The following CTBP2 variants were observed in gnomAD, a reference collection of about 807,000 sequenced individuals.
CTBP2 encodes C-terminal-binding protein 2.
CTBP2 carries 30 observed loss-of-function variants against 80.3 expected under a neutral mutation model. The observed-to-expected ratio is 0.37, with a 90% confidence interval of 0.28 to 0.51. CTBP2 has a LOEUF of 0.51. Among genes scored for constraint, CTBP2 ranks in the 20% least tolerant of loss-of-function variants. CTBP2 has a pLI of 0.93. For synonymous variants in CTBP2, 594 were observed against 587.4 expected, an observed-to-expected ratio of 1.01 and a Z score of -0.16; for missense variants, 1,212 against 1,375.3, an observed-to-expected ratio of 0.88 and a Z score of 1.88.
At chr10:125,030,827 G>A (rs527302651), upstream of CTBP2, among the ~76,000 whole-genome samples, 1 of 152,202 alleles carries the variant, frequency 6.6e-6, no homozygotes, top group Admixed American at 6.5e-5. Flanking sequence ...CCCAACTGAA[G>A]GAACTTAAGG....
At chr10:125,093,079 G>A (rs570448893) in intron 2 of CTBP2, among the ~76,000 whole-genome samples, 1 of 152,328 alleles carries the variant, frequency 6.6e-6, no homozygotes, top group South Asian at 2.1e-4. Context: ...TACTGCCTCA[G>A]TATCTCAGCC....
intron 2 of CTBP2, among the ~76,000 whole-genome samples, chr10:125,105,583 T>G (rs1178822060): frequency 6.6e-6 from 1 of 152,130 alleles, no homozygotes; most frequent in East Asian, 1.9e-4. Flanking sequence ...TAATGCCCCT[T>G]TACACTTGAA....
chr10:125,026,786 TCCAGGGTAG>T lies in CTBP2; in HGVS notation c.965_973del (p.Ala322_Leu324del). ...TGCGACAGACTTGATATCCGCGTCC[TCCAGGGTAG>T]CCAGGACGGCCGGGGAGTCAAAGCC... is the stretch of plus-strand genomic sequence containing the variant. On this transcript the variant is annotated inframe_deletion, in exon 1 of 9. Coordinates refer to ENST00000309035, the MANE Select transcript of CTBP2 (RefSeq NM_022802.3). The T allele has an allele frequency of 6.2e-7, 1 of 1,613,148 alleles. No homozygotes were observed. Among genetic ancestry groups the T allele is most frequent in the Non-Finnish European group, 8.5e-7 (1 of 1,179,944 alleles).
At chr10:125,058,126 C>T (rs747647121) in intron 2 of CTBP2, among the ~76,000 whole-genome samples, 14 of 151,976 alleles carry the variant, frequency 9.2e-5, no homozygotes, top group Non-Finnish European at 8.8e-5. Context: ...GGAGCCCTGA[C>T]GGGGAGAAAC....
intron 1 of CTBP2, among the ~76,000 whole-genome samples, chr10:125,144,964 G>C (rs200445144): frequency 2.0e-5 from 3 of 152,186 alleles, no homozygotes; most frequent in Non-Finnish European, 4.4e-5. Context: ...AATTTTATCA[G>C]ACACCCAGGA....
chr10:125,002,316 G>A lies in CTBP2; in HGVS notation c.1978+644C>T, dbSNP rs1285478955. On this transcript the variant is annotated intron_variant, in intron 3 of 8. Coordinates refer to ENST00000309035, the MANE Select transcript of CTBP2 (RefSeq NM_022802.3). Reference sequence around the variant, plus strand: ...CACTCACGAGCTCACACGGGGTGCTGGGCAGAGGCCCCCCTCAACATGCAC... The same window carrying A: ...CACTCACGAGCTCACACGGGGTGCTAGGCAGAGGCCCCCCTCAACATGCAC... 2.6e-5 allele frequency among the ~76,000 whole-genome samples: 4 copies of A among 152,220 alleles called. No individual in the cohort carries two copies. The East Asian group carries it at 5.8e-4, about 22-fold the overall frequency.
intron 2 of CTBP2, among the ~76,000 whole-genome samples, chr10:125,061,452 A>C (rs1964955182): frequency 6.6e-6 from 1 of 152,132 alleles, no homozygotes; most frequent in Admixed American, 6.5e-5. Context: ...TGTGGACAGG[A>C]AGGGGTACAG....
At chr10:125,087,268 C>T (rs757427332) in intron 2 of CTBP2, among the ~76,000 whole-genome samples, 2 of 151,880 alleles carry the variant, frequency 1.3e-5, no homozygotes, top group Non-Finnish European at 2.9e-5. Context: ...GACGGGGTTT[C>T]GCCATGTTGC....
At chr10:125,145,285 T>C (rs190249002) in intron 1 of CTBP2, among the ~76,000 whole-genome samples, 1 of 152,188 alleles carries the variant, frequency 6.6e-6, no homozygotes, top group Non-Finnish European at 1.5e-5. Flanking sequence ...ATACAGATGT[T>C]AGGGCTTCTC....
Position 125,027,738 on chromosome 10 carries a change from T to C in CTBP2, c.22A>G (p.Ile8Val). Residue 8 changes from isoleucine to valine, a missense_variant, in exon 1 of 9, where the codon ATA becomes GTA. This residue lies in a region of CTBP2 where 848 missense variants were observed against 782.3 expected (regional missense o/e 1.08). Coordinates refer to ENST00000309035, the MANE Select transcript of CTBP2 (RefSeq NM_022802.3). Reference sequence around the variant, plus strand: ...CAGCTCTGAGAACGACCAATATTTATATGCCTGCTGGGAACTGGCATTGGA... The same window carrying C: ...CAGCTCTGAGAACGACCAATATTTACATGCCTGCTGGGAACTGGCATTGGA... 2 of 1,598,440 alleles carry C rather than the reference T, an allele frequency of 1.3e-6. No homozygotes were observed. Among genetic ancestry groups the C allele is most frequent in the Non-Finnish European group, 1.7e-6 (2 of 1,169,908 alleles).
rs113538453 is a variant in CTBP2 at position 125,116,491 on chromosome 10, A to G, written c.-205-5398T>C. Among the ~76,000 whole-genome samples the G allele has an allele frequency of 6.8e-3, 1,029 of 152,062 alleles. 11 individuals carry two copies. The highest frequency in any genetic ancestry group is 0.022 in the African/African-American group (929 of 41,492). On this transcript the variant is annotated intron_variant, in intron 1 of 10. Transcript: ENST00000337195. ...TGGCCCCCTTCAGAAGGGGTGACTT[A>G]CCATGGGGGTGCTAAAAGTGGGACC...
chr10:125,101,883 C>T (rs753035760), intron 2 of CTBP2, among the ~76,000 whole-genome samples: 21 of 152,248 alleles, frequency 1.4e-4, no homozygotes, highest in Non-Finnish European at 2.6e-4. Flanking sequence ...GGTACAAGTG[C>T]AATTTTCTAC....
rs1952051749 is a variant in CTBP2 at position 124,986,655 on chromosome 10, TGGC to T, written c.*2860_*2862del. 1 of 152,234 alleles carries T rather than the reference TGGC, an allele frequency of 6.6e-6. No homozygotes were observed. The allele number at this position is 152,234 out of a possible 1,614,324, so 9.4% of individuals were successfully genotyped here. A position where few individuals can be genotyped will look rare whatever the true frequency, so the allele number is the denominator to read the frequency against. On this transcript the variant is annotated 3_prime_UTR_variant, in exon 9 of 9. Coordinates refer to ENST00000309035, the MANE Select transcript of CTBP2 (RefSeq NM_022802.3). ...AAGTGGTGAATGTGTTGTTAAAAAT[TGGC>T]TGTTTGCTTTCATTTTGGCCAATAA... is the stretch of plus-strand genomic sequence containing the variant.
At chr10:125,044,390 C>T (rs1431785382) in intron 2 of CTBP2, among the ~76,000 whole-genome samples, 3 of 152,168 alleles carry the variant, frequency 2.0e-5, no homozygotes, top group South Asian at 2.1e-4. Flanking sequence ...GCCTTGAGAA[C>T]GCCAGCCCAC....
At position 124,993,376 on chromosome 10, in the gene CTBP2, G is replaced by A. The variant is rs764928423; in HGVS notation, c.2532-47C>T. 2.0e-5 allele frequency: 32 copies of A among 1,580,328 alleles called. No homozygotes were observed. In the Admixed American group the frequency reaches 2.0e-4, roughly 10 times the overall value. ...AGAGTAAGCGGGAAATGTCGCATAC[G>A]CTCCCTGCCCTCCTCAGCACAAGGG... is the stretch of plus-strand genomic sequence containing the variant. On this transcript the variant is annotated intron_variant, in intron 6 of 8. Transcript: ENST00000309035.
chr10:125,047,062 G>A (rs964248569), intron 2 of CTBP2, among the ~76,000 whole-genome samples: 6 of 152,094 alleles, frequency 3.9e-5, no homozygotes, highest in Non-Finnish European at 8.8e-5. Flanking sequence ...CCATTCTTGT[G>A]TTTAGGATTT....
At position 124,987,855 on chromosome 10, in the gene CTBP2, T is replaced by C. The variant is rs1347097060; in HGVS notation, c.*1663A>G. The C allele has an allele frequency of 6.6e-6, 1 of 152,216 alleles. No homozygotes were observed. The highest frequency in any genetic ancestry group is 6.5e-5 in the Admixed American group (1 of 15,276). 9.4% of individuals were successfully genotyped at this position (152,216 alleles called of 1,614,324 possible). The stretch of plus-strand genomic sequence containing the variant: ...CTTAATTGACACTTGCAAATACTTT[T>C]AGTATAAAGGTTTAATTCTATTTAA... On this transcript the variant is annotated 3_prime_UTR_variant, in exon 9 of 9. Transcript: ENST00000309035.
intron 2 of CTBP2, among the ~76,000 whole-genome samples, chr10:125,098,726 G>GAGAGAGAGAC (rs1850073372): frequency 8.5e-6 from 1 of 117,876 alleles, no homozygotes. Context: ...GAGAGAGACA[G>GAGAGAGAGAC]AGAGAGAGAG....
intron 1 of CTBP2, among the ~76,000 whole-genome samples, chr10:125,131,921 T>C (rs1012667527): frequency 6.6e-6 from 1 of 152,166 alleles, no homozygotes; most frequent in African/African-American, 2.4e-5. Flanking sequence ...CTCCGACAGA[T>C]ACTTGAGGTG....
Sources: gnomAD v4.1 joint callset for allele counts (sites outside exome capture counted in the v4.1 genomes callset) on GRCh38, gnomAD v4.1.1 for gene constraint, gnomAD v4.1.1 regional missense constraint, MANE v1.5 for transcripts, NCBI Gene and HGNC (gene_info 2026-07-23, HGNC 2026-07-21) for gene names.